NBAS: variants seen among roughly 807,000 people sequenced by gnomAD.
The protein encoded by NBAS is NBAS subunit of NRZ tethering complex.
Under a neutral mutation model 302.5 loss-of-function variants are expected in NBAS, and 219 were observed. That is an observed-to-expected ratio of 0.72 (90% CI 0.65 to 0.81). NBAS has a LOEUF of 0.81. Ranked by LOEUF, NBAS falls within the 30% of genes least tolerant of loss-of-function variation. The probability of loss-of-function intolerance (pLI) is 0.00; values close to 1 mark genes in which losing one functional copy is unlikely to be tolerated. For synonymous variants in NBAS, 1,118 were observed against 1,021.6 expected, an observed-to-expected ratio of 1.09 and a Z score of -1.80; for missense variants, 2,932 against 2,841.6, an observed-to-expected ratio of 1.03 and a Z score of -0.72.
the NBAS span, among the ~76,000 whole-genome samples, chr2:14,950,380 T>C: frequency 6.6e-6 from 1 of 152,226 alleles, no homozygotes; most frequent in African/African-American, 2.4e-5. Flanking sequence ...TTCCATCATA[T>C]TGTACATTTC....
the NBAS span, among the ~76,000 whole-genome samples, chr2:14,916,597 T>A: frequency 4.6e-5 from 7 of 152,230 alleles, no homozygotes; most frequent in African/African-American, 1.7e-4. Flanking sequence ...TATATATGAA[T>A]GATAGTATAT....
chr2:15,065,092 C>G, the NBAS span, among the ~76,000 whole-genome samples: 1 of 151,998 alleles, frequency 6.6e-6, no homozygotes, highest in East Asian at 1.9e-4. Flanking sequence ...AAATTTACCT[C>G]AACAAAATAA....
the NBAS span, among the ~76,000 whole-genome samples, chr2:14,908,788 C>A: frequency 6.6e-6 from 1 of 152,030 alleles, no homozygotes; most frequent in African/African-American, 2.4e-5. Context: ...ATGAAATCAC[C>A]CCCAGACCAC....
chr2:15,183,826 G>A (rs561561827), intron 50 of NBAS, among the ~76,000 whole-genome samples: 24 of 152,282 alleles, frequency 1.6e-4, no homozygotes, highest in South Asian at 1.5e-3. Flanking sequence ...TGCTCTAACC[G>A]ATGTGTGCTT....
chr2:15,129,824 TGC>T, the NBAS span, among the ~76,000 whole-genome samples: 1 of 152,226 alleles, frequency 6.6e-6, no homozygotes, highest in Admixed American at 6.5e-5. Flanking sequence ...CAGCATGTAT[TGC>T]TTCACGCACG....
At chr2:15,110,987 A>G in the NBAS span, among the ~76,000 whole-genome samples, 1 of 152,154 alleles carries the variant, frequency 6.6e-6, no homozygotes, top group African/African-American at 2.4e-5. Flanking sequence ...TTTGGGGGAG[A>G]TACATCTATA....
chr2:15,474,088 T>C lies in NBAS; in HGVS notation c.1578A>G (p.Pro526=). The change falls in exon 15 of 52, where the codon CCA becomes CCG. Residue 526 remains proline (P), a synonymous_variant. Coordinates refer to ENST00000281513, the MANE Select transcript of NBAS (RefSeq NM_015909.4). ...YRLVSLRSTT[P]EELYQRKIES... ...TCACCTTCCTCTGATAAAGTTCCTC[T>C]GGTGTCGTGGAGCGCAAACTCACAA... 2.5e-6 allele frequency: 4 copies of C among 1,614,208 alleles called. No individual in the cohort carries two copies. Among genetic ancestry groups the C allele is most frequent in the Non-Finnish European group, 3.4e-6 (4 of 1,180,018 alleles).
At chr2:14,784,222 T>C in the NBAS span, among the ~76,000 whole-genome samples, 2 of 152,222 alleles carry the variant, frequency 1.3e-5, no homozygotes, top group Non-Finnish European at 2.9e-5. Context: ...TATTAGCCCT[T>C]TGTCAGATGA....
At chr2:15,002,951 T>G in the NBAS span, among the ~76,000 whole-genome samples, 7 of 152,204 alleles carry the variant, frequency 4.6e-5, no homozygotes, top group Non-Finnish European at 1.0e-4. Flanking sequence ...GGGAGCCGGC[T>G]CCGGCCTTGG....
chr2:14,810,564 C>T, the NBAS span, among the ~76,000 whole-genome samples: 1 of 152,192 alleles, frequency 6.6e-6, no homozygotes, highest in East Asian at 1.9e-4. Flanking sequence ...ATTGCTCGGT[C>T]TTGGGCATGT....
the NBAS span, among the ~76,000 whole-genome samples, chr2:15,009,220 C>T: frequency 6.6e-6 from 1 of 152,114 alleles, no homozygotes; most frequent in East Asian, 1.9e-4. Context: ...TCTCTCTTAA[C>T]CAGTCTCCAG....
At chr2:14,891,606 T>C in the NBAS span, among the ~76,000 whole-genome samples, 1 of 152,282 alleles carries the variant, frequency 6.6e-6, no homozygotes, top group African/African-American at 2.4e-5. Flanking sequence ...GTCATTCCCA[T>C]TTAAAAAATA....
intron 21 of NBAS, among the ~76,000 whole-genome samples, chr2:15,453,552 C>T (rs1213035544): frequency 2.6e-5 from 4 of 151,992 alleles, no homozygotes; most frequent in African/African-American, 9.7e-5. Flanking sequence ...TACTGTGAAA[C>T]CAAAGGTCAA....
chr2:14,973,226 G>A, the NBAS span, among the ~76,000 whole-genome samples: 1 of 152,122 alleles, frequency 6.6e-6, no homozygotes, highest in Non-Finnish European at 1.5e-5. Context: ...CCTTCCTAAG[G>A]GTCCTGAAGT....
the NBAS span, among the ~76,000 whole-genome samples, chr2:15,157,243 C>T: frequency 1.3e-5 from 2 of 152,220 alleles, no homozygotes; most frequent in Non-Finnish European, 2.9e-5. Context: ...ACTGAGTGAT[C>T]ATGAGAGATG....
chr2:15,468,345 C>A, intron 17 of NBAS, 37 bp downstream of exon 17: 1 of 1,611,972 alleles, frequency 6.2e-7, no homozygotes, highest in South Asian at 1.1e-5. Context: ...TTCACAAAGT[C>A]ACCTTTACTT....
chr2:15,515,366 G>A (rs1352531982), intron 9 of NBAS, among the ~76,000 whole-genome samples: 1 of 152,152 alleles, frequency 6.6e-6, no homozygotes, highest in Non-Finnish European at 1.5e-5. Flanking sequence ...ATGCCAAGGG[G>A]CCAGCCTGGA....
chr2:15,356,389 T>C lies in NBAS; in HGVS notation c.3845A>G (p.Gln1282Arg), dbSNP rs759475595. Residue 1282 changes from glutamine to arginine, a missense_variant, in exon 33 of 52, where the codon CAG (glutamine) becomes CGG (arginine). By Grantham distance (43) the Gln-to-Arg change is conservative. Coordinates refer to ENST00000281513, the MANE Select transcript of NBAS (RefSeq NM_015909.4). ...AGENPEERRG[Q>R]VLILLVEQAL... ...CTGCTCCACTAAAAGGATTAGAACC[T>C]GTCCCCGCCTTTCTTCTGGGTTCTC... The C allele has an allele frequency of 1.2e-6, 2 of 1,613,862 alleles. No individual in the cohort carries two copies. Among genetic ancestry groups the C allele is most frequent in the East Asian group, 4.5e-5 (2 of 44,848 alleles).
chr2:15,493,281 G>A (rs1249625321), intron 11 of NBAS, among the ~76,000 whole-genome samples: 1 of 152,186 alleles, frequency 6.6e-6, no homozygotes, highest in Admixed American at 6.5e-5. Context: ...CTTTATAGCA[G>A]TGTGAAAATT....
Sources: gnomAD v4.1 joint callset for allele counts (sites outside exome capture counted in the v4.1 genomes callset) on GRCh38, gnomAD v4.1.1 for gene constraint, MANE v1.5 for transcripts, NCBI Gene and HGNC (gene_info 2026-07-23, HGNC 2026-07-21) for gene names.